Variants in UGGT2 observed in about 807,000 individuals in gnomAD.
UGGT2 encodes UDP-glucose:glycoprotein glucosyltransferase 2.
A neutral mutation model predicts 192.1 loss-of-function variants in UGGT2; 180 were observed. That is an observed-to-expected ratio of 0.94 (90% CI 0.83 to 1.06). The LOEUF (loss-of-function observed/expected upper bound fraction) is 1.06, where lower values mean the gene tolerates loss of function less well. Among genes scored for constraint, UGGT2 ranks in the 50% least tolerant of loss-of-function variants. The pLI, the probability that UGGT2 is intolerant of heterozygous loss-of-function variation, is 0.00. For missense variants in UGGT2, 1,849 were observed against 1,795.7 expected (o/e 1.03, Z -0.54); for synonymous variants, 580 against 591.0 (o/e 0.98, Z 0.27).
Position 96,013,432 on chromosome 13 carries a change from CTT to C in UGGT2, c.533_534del (p.Lys178ArgfsTer15). On this transcript the variant is annotated frameshift_variant, in exon 5 of 39. Transcript: ENST00000376747. LOFTEE classifies it high-confidence loss of function. ...TAGAGAATCACCACTGGTAAGTTCT[CTT>C]TGTTTGTAGGAAATTTGTGATCTCC... Reference protein sequence around the residue: ...FKGDHKFPTNKENLPVVILYA... With the variant: ...FKGDHKFPTNXENLPVVILYA... The C allele has an allele frequency of 2.5e-6, 4 of 1,602,452 alleles. No individual in the cohort carries two copies. Among genetic ancestry groups the C allele is most frequent in the East Asian group, 2.2e-5 (1 of 44,470 alleles).
intron 17 of UGGT2, among the ~76,000 whole-genome samples, chr13:95,929,995 T>C (rs551067074): frequency 6.6e-6 from 1 of 152,334 alleles, no homozygotes; most frequent in Non-Finnish European, 1.5e-5. Flanking sequence ...CGAGATGGTG[T>C]CTCCTTTTGG....
At chr13:95,848,402 T>C (rs1888694025) in intron 36 of UGGT2, among the ~76,000 whole-genome samples, 1 of 152,196 alleles carries the variant, frequency 6.6e-6, no homozygotes, top group Non-Finnish European at 1.5e-5. Context: ...TTCTCCTATA[T>C]TGTCTTCCAG....
At chr13:95,841,552 T>C (rs1390864015) in intron 36 of UGGT2, among the ~76,000 whole-genome samples, 2 of 152,220 alleles carry the variant, frequency 1.3e-5, no homozygotes, top group African/African-American at 2.4e-5. Flanking sequence ...AGCAGCCAGA[T>C]TGCCCTCACA....
intron 2 of UGGT2, among the ~76,000 whole-genome samples, chr13:96,024,912 T>G (rs1365370708): frequency 6.6e-6 from 1 of 152,186 alleles, no homozygotes; most frequent in African/African-American, 2.4e-5. Flanking sequence ...GGTTGTTTGC[T>G]GATTGTGACA....
chr13:95,983,759 T>G, intron 10 of UGGT2, 45 bp downstream of exon 10: 4 of 1,325,558 alleles, frequency 3.0e-6, no homozygotes, highest in Non-Finnish European at 4.2e-6. Flanking sequence ...TCAGAAACAG[T>G]GATATTAGTT....
chr13:96,008,116 A>G (rs887626221), intron 5 of UGGT2, among the ~76,000 whole-genome samples: 1 of 152,260 alleles, frequency 6.6e-6, no homozygotes, highest in South Asian at 2.1e-4. Flanking sequence ...GCTCCAGGAC[A>G]TTGGTCTGGG....
intron 17 of UGGT2, among the ~76,000 whole-genome samples, chr13:95,930,091 G>A (rs1398442301): frequency 6.6e-6 from 1 of 152,180 alleles, no homozygotes; most frequent in Non-Finnish European, 1.5e-5. Context: ...CTTTTGAGAA[G>A]TACCTGTTAA....
At chr13:95,896,478 G>A (rs558584801) in intron 22 of UGGT2, among the ~76,000 whole-genome samples, 6 of 152,192 alleles carry the variant, frequency 3.9e-5, no homozygotes, top group Admixed American at 6.5e-5. Flanking sequence ...CACATTCAAT[G>A]TTACATTTCT....
Position 95,884,668 on chromosome 13 carries a change from A to G in UGGT2, c.3051T>C (p.Phe1017=). ...SEAPLESFYR[F]VLEPELMSGA... is the part of the protein sequence containing the mutation. ...CTGACATCAGTTCTGGTTCCAGAACAAAACGGTAAAAGCTGTTAATAAAAC... is the reference window on the plus strand; with the variant it reads ...CTGACATCAGTTCTGGTTCCAGAACGAAACGGTAAAAGCTGTTAATAAAAC... Residue 1017 remains phenylalanine (F), a synonymous_variant, in exon 27 of 39, where the codon TTT becomes TTC. Transcript: ENST00000376747. 6.2e-7 allele frequency: 1 copy of G among 1,609,060 alleles called. No individual in the cohort carries two copies. Among genetic ancestry groups the G allele is most frequent in the Non-Finnish European group, 8.5e-7 (1 of 1,178,276 alleles).
rs1345685536 is a variant in UGGT2 at position 95,908,973 on chromosome 13, TG to T, written c.2296-5914del. Among the ~76,000 whole-genome samples, 10 of 147,698 alleles carry T rather than the reference TG, an allele frequency of 6.8e-5. No homozygotes were observed. In the South Asian group the frequency reaches 1.8e-3, roughly 27 times the overall value. The stretch of plus-strand genomic sequence containing the variant: ...TTAATTAGATCCCATTTGTCAATTT[TG>T]GCTTTTGTTGCCATTGCTTTTGGTG... On this transcript the variant is annotated intron_variant, in intron 20 of 38. Coordinates refer to ENST00000376747, the MANE Select transcript of UGGT2 (RefSeq NM_020121.4).
chr13:95,926,609 C>T (rs1476843685), intron 19 of UGGT2, among the ~76,000 whole-genome samples: 1 of 152,142 alleles, frequency 6.6e-6, no homozygotes, highest in Non-Finnish European at 1.5e-5. Context: ...AATCCTTTTT[C>T]CCAAGTGTGT....
intron 12 of UGGT2, among the ~76,000 whole-genome samples, chr13:95,952,373 C>T (rs1424161139): frequency 6.6e-6 from 1 of 152,020 alleles, no homozygotes; most frequent in African/African-American, 2.4e-5. Flanking sequence ...CCAGGACTCC[C>T]CGAGGATACC....
chr13:95,929,209 C>G (rs2049156399), intron 17 of UGGT2, among the ~76,000 whole-genome samples: 1 of 152,146 alleles, frequency 6.6e-6, no homozygotes, highest in African/African-American at 2.4e-5. Context: ...AATACATTTC[C>G]TTGTAAAAAT....
At chr13:95,952,071 C>T (rs1222496127) in intron 12 of UGGT2, among the ~76,000 whole-genome samples, 1 of 144,040 alleles carries the variant, frequency 6.9e-6, no homozygotes, top group Non-Finnish European at 1.5e-5. Flanking sequence ...AAAAAAGATA[C>T]ATATTAGTCA....
Position 96,053,373 on chromosome 13 carries a change from C to CT in UGGT2, c.-62dup. 1 of 1,531,346 alleles carries CT rather than the reference C, an allele frequency of 6.5e-7. No homozygotes were observed. Among genetic ancestry groups the CT allele is most frequent in the Non-Finnish European group, 8.7e-7 (1 of 1,149,600 alleles). 94.9% of individuals were successfully genotyped at this position (1,531,346 alleles called of 1,614,324 possible). On this transcript the variant is annotated 5_prime_UTR_variant, in exon 1 of 39. Coordinates refer to ENST00000376747, the MANE Select transcript of UGGT2 (RefSeq NM_020121.4). Reference sequence around the variant, plus strand: ...GTACCCACAGTCTGTGGCCGCCACGCTTCGGCCGGCTCTTCCCGCTGCGCG... The same window carrying CT: ...GTACCCACAGTCTGTGGCCGCCACGCTTTCGGCCGGCTCTTCCCGCTGCGCG...
chr13:95,925,662 GAA>G lies in UGGT2; in HGVS notation c.2295+16_2295+17del, dbSNP rs771532810. 1.5e-5 allele frequency: 22 copies of G among 1,436,854 alleles called. No homozygotes were observed. Among genetic ancestry groups the G allele is most frequent in the Non-Finnish European group, 2.0e-5 (21 of 1,072,736 alleles). The allele number at this position is 1,436,854 out of a possible 1,614,324, so 89.0% of individuals were successfully genotyped here. On this transcript the variant is annotated intron_variant, in intron 20 of 38. Transcript: ENST00000376747. ...TGAAATAAATTAAAATTGTTAGTAAGAATATCTAGGTACTCACCATGTGCTTT... is the reference window on the plus strand; with the variant it reads ...TGAAATAAATTAAAATTGTTAGTAAGTATCTAGGTACTCACCATGTGCTTT...
intron 20 of UGGT2, among the ~76,000 whole-genome samples, chr13:95,909,991 A>T (rs1347234369): frequency 2.0e-5 from 3 of 152,080 alleles, no homozygotes; most frequent in African/African-American, 7.2e-5. Flanking sequence ...CAGCCAAACT[A>T]ATCTTCATAA....
chr13:96,050,816 A>G (rs1250379969), intron 1 of UGGT2, among the ~76,000 whole-genome samples: 4 of 152,208 alleles, frequency 2.6e-5, no homozygotes, highest in Non-Finnish European at 5.9e-5. Context: ...GGCGATCATT[A>G]AAAAGTCAGG....
chr13:96,016,424 C>A (rs1055969769), intron 4 of UGGT2, among the ~76,000 whole-genome samples: 2 of 152,200 alleles, frequency 1.3e-5, no homozygotes, highest in African/African-American at 2.4e-5. Context: ...AAAGAATGCT[C>A]ACTGCCCTGT....
Sources: allele counts gnomAD v4.1 joint callset (sites outside exome capture counted in the v4.1 genomes callset), GRCh38; gene constraint gnomAD v4.1.1; transcripts MANE v1.5; gene names NCBI Gene and HGNC (gene_info 2026-07-23, HGNC 2026-07-21).